Variants in NELL1 observed in about 807,000 individuals in gnomAD.
NELL1 encodes protein kinase C-binding protein NELL1.
In NELL1, 76 loss-of-function variants were observed where a neutral mutation model predicts 107.4. The ratio of observed to expected loss-of-function variants is 0.71; its 90% CI spans 0.59 to 0.86. The LOEUF is 0.86. Among genes scored for constraint, NELL1 ranks in the 40% least tolerant of loss-of-function variants. NELL1 has a pLI of 0.00. For missense variants in NELL1, 1,024 were observed against 1,005.5 expected (o/e 1.02, Z -0.25); for synonymous variants, 353 against 341.2 (o/e 1.03, Z -0.38).
intron 15 of NELL1, among the ~76,000 whole-genome samples, chr11:21,420,227 A>G (rs186644348): frequency 1.5e-3 from 230 of 152,292 alleles, no homozygotes; most frequent in African/African-American, 4.9e-3. Flanking sequence ...CTACAAATGA[A>G]GGTATATTTG....
At chr11:21,057,980 G>A (rs1853650431) in intron 12 of NELL1, among the ~76,000 whole-genome samples, 1 of 152,040 alleles carries the variant, frequency 6.6e-6, no homozygotes, top group Non-Finnish European at 1.5e-5. Context: ...TCAATTGTTT[G>A]CCATCTTTCA....
At chr11:21,144,985 C>G (rs563547112) in intron 13 of NELL1, among the ~76,000 whole-genome samples, 1 of 152,266 alleles carries the variant, frequency 6.6e-6, no homozygotes, top group South Asian at 2.1e-4. Flanking sequence ...CTTTGCACCT[C>G]AGTTTCCTCA....
intron 15 of NELL1, among the ~76,000 whole-genome samples, chr11:21,390,510 A>AACACACACAC (rs60248049): frequency 7.0e-5 from 10 of 142,774 alleles, no homozygotes; most frequent in South Asian, 4.6e-4. Context: ...TGTGTGGATG[A>AACACACACAC]ACACACACAC....
chr11:20,756,692 T>C (rs768382450), intron 2 of NELL1, among the ~76,000 whole-genome samples: 2 of 151,540 alleles, frequency 1.3e-5, no homozygotes, highest in Admixed American at 6.6e-5. Flanking sequence ...GTCTATCTTA[T>C]GCTTTGTGCA....
At chr11:20,767,101 G>C (rs535146693) in intron 2 of NELL1, among the ~76,000 whole-genome samples, 14 of 152,206 alleles carry the variant, frequency 9.2e-5, no homozygotes, top group African/African-American at 3.4e-4. Flanking sequence ...GCCAGCCACT[G>C]TCCTGGTGTG....
At chr11:21,438,654 T>C (rs1590932567) in intron 15 of NELL1, among the ~76,000 whole-genome samples, 2 of 152,232 alleles carry the variant, frequency 1.3e-5, no homozygotes, top group East Asian at 1.9e-4. Context: ...TTCATTTCTT[T>C]ATATAGTTAT....
intron 10 of NELL1, 44 bp downstream of exon 10, chr11:20,937,903 T>C: frequency 1.9e-6 from 3 of 1,567,796 alleles, no homozygotes; most frequent in Non-Finnish European, 1.8e-6. Context: ...GGAAAATGAA[T>C]AGATAGATGT....
At chr11:21,183,374 A>G (rs1295767855) in intron 13 of NELL1, among the ~76,000 whole-genome samples, 1 of 151,896 alleles carries the variant, frequency 6.6e-6, no homozygotes, top group East Asian at 1.9e-4. Flanking sequence ...TTTCTTTTAA[A>G]ATTACTTTTA....
rs184666014 is a variant in NELL1, at chr11:20,833,135, C to A, written c.336-14448C>A. On this transcript the variant is annotated intron_variant, in intron 3 of 19. Transcript: ENST00000357134. ...ATTGTCCTAGTTTTGTGTCTTTGGT[C>A]ATCATTTAACTTCTCTCTGACTTGC... is the stretch of plus-strand genomic sequence containing the variant. 2.8e-4 allele frequency among the ~76,000 whole-genome samples: 43 copies of A among 152,292 alleles called. No homozygotes were observed. The East Asian group carries it at 7.7e-3, about 27-fold the overall frequency.
intron 18 of NELL1, 138 bp downstream of exon 18, chr11:21,571,078 T>C: frequency 1.5e-6 from 1 of 663,310 alleles, no homozygotes; most frequent in Non-Finnish European, 2.6e-6. Flanking sequence ...AAGGGTCATG[T>C]TCTCTTCCTA....
intron 5 of NELL1, among the ~76,000 whole-genome samples, chr11:20,893,706 C>A (rs1849665513): frequency 6.6e-6 from 1 of 150,792 alleles, no homozygotes; most frequent in Non-Finnish European, 1.5e-5. Flanking sequence ...AATTCCATTT[C>A]ACAATTGTTA....
chr11:21,406,588 C>T (rs545557718), intron 15 of NELL1, among the ~76,000 whole-genome samples: 3 of 152,144 alleles, frequency 2.0e-5, no homozygotes, highest in Non-Finnish European at 2.9e-5. Flanking sequence ...TTTAGAACTA[C>T]ATCTAACTTC....
rs562626570 is a variant in NELL1, at chr11:20,789,530, G to A, written c.335+5700G>A. ...GGTCTGTGCTCCCCAAAGGGCTGCA[G>A]CTCTTCTCTTCTCTCCTCTTTGCCC... On this transcript the variant is annotated intron_variant, in intron 3 of 19. Transcript: ENST00000357134. 1.3e-4 allele frequency among the ~76,000 whole-genome samples: 20 copies of A among 152,330 alleles called. No individual in the cohort carries two copies. The South Asian group carries it at 3.5e-3, about 27-fold the overall frequency.
chr11:20,673,368 G>A (rs1853968855), intron 1 of NELL1, among the ~76,000 whole-genome samples: 1 of 152,190 alleles, frequency 6.6e-6, no homozygotes, highest in Admixed American at 6.5e-5. Flanking sequence ...TGATTAAGTG[G>A]TTGTGAAATT....
chr11:20,995,764 G>A (rs1338748581), intron 12 of NELL1, among the ~76,000 whole-genome samples: 1 of 152,148 alleles, frequency 6.6e-6, no homozygotes, highest in Non-Finnish European at 1.5e-5. Context: ...ATGCTGGGCA[G>A]TGTGGGATAT....
chr11:21,278,280 A>G (rs562513455), intron 14 of NELL1, among the ~76,000 whole-genome samples: 2 of 152,284 alleles, frequency 1.3e-5, no homozygotes, highest in Non-Finnish European at 2.9e-5. Flanking sequence ...ATAGTATTCT[A>G]AATCATAGCT....
At chr11:20,893,273 G>C (rs1408672556) in intron 5 of NELL1, among the ~76,000 whole-genome samples, 1 of 151,806 alleles carries the variant, frequency 6.6e-6, no homozygotes, top group African/African-American at 2.4e-5. Context: ...TGAGGGGTGA[G>C]GGGAGGGAAT....
At chr11:20,957,473 TA>T (rs1321641766) in intron 11 of NELL1, among the ~76,000 whole-genome samples, 3 of 152,050 alleles carry the variant, frequency 2.0e-5, no homozygotes, top group African/African-American at 7.2e-5. Flanking sequence ...TCTCACACAT[TA>T]AATTCCAAAA....
intron 14 of NELL1, among the ~76,000 whole-genome samples, chr11:21,337,456 T>C (rs1300864604): frequency 6.6e-6 from 1 of 152,184 alleles, no homozygotes; most frequent in Non-Finnish European, 1.5e-5. Flanking sequence ...TTTATAGCTA[T>C]GCCAAATGGA....
Sources: allele counts gnomAD v4.1 joint callset (sites outside exome capture counted in the v4.1 genomes callset), GRCh38; gene constraint gnomAD v4.1.1; transcripts MANE v1.5; gene names NCBI Gene and HGNC (gene_info 2026-07-23, HGNC 2026-07-21).